The following RBPMS variants were observed in gnomAD, a reference collection of about 807,000 sequenced individuals.
RBPMS encodes the protein RNA-binding protein with multiple splicing.
Under a neutral mutation model 26.8 loss-of-function variants are expected in RBPMS, and 7 were observed. That is an observed-to-expected ratio of 0.26 (90% CI 0.15 to 0.49). The LOEUF is 0.49. RBPMS is among the 20% of genes least tolerant of loss of function. The probability of loss-of-function intolerance (pLI) is 0.98; values close to 1 mark genes in which losing one functional copy is unlikely to be tolerated. For missense variants in RBPMS, 186 were observed against 250.0 expected, an observed-to-expected ratio of 0.74 and a Z score of 1.73; for synonymous variants, 96 against 93.3, an observed-to-expected ratio of 1.03 and a Z score of -0.17.
In RBPMS at chr8:30,563,629, C is replaced by T. The variant is rs142026858; in HGVS notation, c.*8-2628C>T. Among the ~76,000 whole-genome samples, 833 of 152,228 alleles carry T rather than the reference C, an allele frequency of 5.5e-3. 3 individuals carry two copies. Among genetic ancestry groups the T allele is most frequent in the Middle Eastern group, 0.014 (4 of 294 alleles). The stretch of plus-strand genomic sequence containing the variant: ...TTGGAGAAGGAAATGCAAGAGAGAA[C>T]GTGACGGAATTTGGAGCTATTTTTC... On this transcript the variant is annotated intron_variant, in intron 7 of 8. Coordinates refer to ENST00000397323, the MANE Select transcript of RBPMS (RefSeq NM_001008710.3).
intron 5 of RBPMS, among the ~76,000 whole-genome samples, chr8:30,513,587 C>CAAAAAAAAAAA (rs56184994): frequency 1.8e-5 from 2 of 108,506 alleles, no homozygotes; most frequent in African/African-American, 6.9e-5. Flanking sequence ...GACTCCATCT[C>CAAAAAAAAAAA]AAAAAAAAAA....
chr8:30,529,202 C>T (rs903287674), intron 5 of RBPMS, among the ~76,000 whole-genome samples: 9 of 150,650 alleles, frequency 6.0e-5, no homozygotes, highest in East Asian at 1.9e-4. Context: ...TGGGCAACAG[C>T]GAGATTCTGT....
intron 1 of RBPMS, among the ~76,000 whole-genome samples, chr8:30,440,150 C>T (rs1475973707): frequency 2.0e-5 from 3 of 152,120 alleles, no homozygotes; most frequent in Admixed American, 6.6e-5. Context: ...ATTACTAAGG[C>T]GGGTGTCAAA....
At chr8:30,527,705 A>T (rs1389543856) in intron 5 of RBPMS, among the ~76,000 whole-genome samples, 1 of 152,108 alleles carries the variant, frequency 6.6e-6, no homozygotes, top group Admixed American at 6.5e-5. Context: ...CTTGGAGGGG[A>T]TCCAGCATGA....
In RBPMS at chr8:30,477,138, T is replaced by C. The variant is rs187999666; in HGVS notation, c.145-661T>C. Among the ~76,000 whole-genome samples, 68 of 152,278 alleles carry C rather than the reference T, an allele frequency of 4.5e-4. No homozygotes were observed. In the East Asian group the frequency reaches 0.01, roughly 23 times the overall value. ...GACGCCATCGGCTCACTGCAAGCTCTGCCTCCCGGGTTCATACCATTCTCC... is the reference window on the plus strand; with the variant it reads ...GACGCCATCGGCTCACTGCAAGCTCCGCCTCCCGGGTTCATACCATTCTCC... On this transcript the variant is annotated intron_variant, in intron 2 of 8. Transcript: ENST00000397323.
intron 2 of RBPMS, among the ~76,000 whole-genome samples, chr8:30,477,549 GA>G (rs994390545): frequency 1.3e-5 from 2 of 149,534 alleles, no homozygotes; most frequent in African/African-American, 2.4e-5. Context: ...GTAATTTCAT[GA>G]AAAAAAAATA....
At chr8:30,474,927 A>AG (rs1280595261) in intron 2 of RBPMS, 71 bp downstream of exon 2, 2 of 966,270 alleles carry the variant, frequency 2.1e-6, no homozygotes, top group African/African-American at 3.3e-5. Flanking sequence ...AGCTTTTTGA[A>AG]GCAAGAAATG....
intron 5 of RBPMS, among the ~76,000 whole-genome samples, chr8:30,538,308 G>A (rs1230459961): frequency 6.6e-6 from 1 of 151,974 alleles, no homozygotes; most frequent in Non-Finnish European, 1.5e-5. Context: ...AGGCTGGAGT[G>A]CAGTGGTGCG....
chr8:30,558,548 G>A, intron 6 of RBPMS: 1 of 435,152 alleles, frequency 2.3e-6, no homozygotes. Flanking sequence ...CACCAGCCTA[G>A]GCCTGGGAAA....
At chr8:30,547,229 A>C (rs1289708200) in intron 6 of RBPMS, 13 of 1,084,388 alleles carry the variant, frequency 1.2e-5, no homozygotes, top group Non-Finnish European at 6.9e-6. Flanking sequence ...GGCTTTAAAT[A>C]ATTTTGTTTT....
At chr8:30,485,535 A>G (rs1818683699) in intron 4 of RBPMS, among the ~76,000 whole-genome samples, 1 of 152,214 alleles carries the variant, frequency 6.6e-6, no homozygotes, top group South Asian at 2.1e-4. Context: ...TTAACTCTTG[A>G]CTTGCAGACT....
intron 4 of RBPMS, among the ~76,000 whole-genome samples, chr8:30,495,279 G>GT (rs1819812184): frequency 3.0e-5 from 4 of 132,218 alleles, no homozygotes; most frequent in African/African-American, 1.4e-4. Context: ...CAATTATGAA[G>GT]GTTTTTTTTT....
At chr8:30,514,641 C>T (rs1282648644) in intron 5 of RBPMS, among the ~76,000 whole-genome samples, 1 of 144,300 alleles carries the variant, frequency 6.9e-6, no homozygotes, top group Non-Finnish European at 1.5e-5. Flanking sequence ...CTCAGCTTTC[C>T]CAGTAGCTGG....
chr8:30,451,719 A>G (rs1240605479), intron 1 of RBPMS, among the ~76,000 whole-genome samples: 1 of 152,180 alleles, frequency 6.6e-6, no homozygotes, highest in Non-Finnish European at 1.5e-5. Flanking sequence ...AACTAGAGAT[A>G]CTTGCACAGG....
rs1283540005 is a variant in RBPMS, at chr8:30,524,890, A to G, written c.398-19604A>G. On this transcript the variant is annotated intron_variant, in intron 5 of 8. Coordinates refer to ENST00000397323, the MANE Select transcript of RBPMS (RefSeq NM_001008710.3). ...TCGTAGCCCTTTAAAGACCATTATT[A>G]GTACTATTTATAAAAAGTACCAAAG... Among the ~76,000 whole-genome samples the G allele has an allele frequency of 2.0e-5, 3 of 152,190 alleles. No homozygotes were observed. The East Asian group carries it at 5.8e-4, about 29-fold the overall frequency.
chr8:30,537,137 A>G (rs1359182432), intron 5 of RBPMS, among the ~76,000 whole-genome samples: 1 of 152,220 alleles, frequency 6.6e-6, no homozygotes, highest in African/African-American at 2.4e-5. Context: ...TTAAGTTCCC[A>G]GAGGAACAGT....
At chr8:30,464,679 G>A (rs539099669) in intron 1 of RBPMS, among the ~76,000 whole-genome samples, 1 of 152,310 alleles carries the variant, frequency 6.6e-6, no homozygotes, top group South Asian at 2.1e-4. Flanking sequence ...TAACTAGGTA[G>A]TTTGAGAGAT....
chr8:30,545,278 T>G, intron 6 of RBPMS: 2 of 1,207,278 alleles, frequency 1.7e-6, no homozygotes, highest in Non-Finnish European at 2.1e-6. Context: ...CTGATTTTTA[T>G]AAACAAACTT....
chr8:30,447,132 C>A (rs1237125425), intron 1 of RBPMS, among the ~76,000 whole-genome samples: 1 of 152,164 alleles, frequency 6.6e-6, no homozygotes. Flanking sequence ...CCAGAATTTA[C>A]TAATATGGTT....
Sources: allele counts gnomAD v4.1 joint callset (sites outside exome capture counted in the v4.1 genomes callset), GRCh38; gene constraint gnomAD v4.1.1; transcripts MANE v1.5; gene names NCBI Gene and HGNC (gene_info 2026-07-23, HGNC 2026-07-21).